MAPKAP1: variants seen among roughly 807,000 people sequenced by gnomAD.
MAPKAP1 encodes the protein MAPK associated protein 1.
Under a neutral mutation model 65.7 loss-of-function variants are expected in MAPKAP1, and 20 were observed. The observed-to-expected ratio is 0.30, with a 90% CI of 0.21 to 0.44. The LOEUF (loss-of-function observed/expected upper bound fraction) is 0.44, where lower values mean the gene tolerates loss of function less well. Among genes scored for constraint, MAPKAP1 ranks in the 20% least tolerant of loss-of-function variants. The probability of loss-of-function intolerance (pLI) is 1.00; values close to 1 mark genes in which losing one functional copy is unlikely to be tolerated. For synonymous variants in MAPKAP1, 222 were observed against 244.3 expected (o/e 0.91, Z 0.85); for missense variants, 423 against 648.0 (o/e 0.65, Z 3.77).
At chr9:125,622,954 G>A (rs1041186450) in intron 4 of MAPKAP1, among the ~76,000 whole-genome samples, 8 of 152,140 alleles carry the variant, frequency 5.3e-5, no homozygotes, top group African/African-American at 9.7e-5. Flanking sequence ...TTGCAGGCAC[G>A]CGCCGCCACA....
intron 5 of MAPKAP1, among the ~76,000 whole-genome samples, chr9:125,564,418 A>G (rs1339351939): frequency 6.6e-6 from 1 of 152,228 alleles, no homozygotes; most frequent in Non-Finnish European, 1.5e-5. Context: ...CTGAGTACAT[A>G]TAACTTTTAT....
intron 1 of MAPKAP1, among the ~76,000 whole-genome samples, chr9:125,693,379 A>G (rs1000754512): frequency 1.3e-5 from 2 of 149,750 alleles, no homozygotes; most frequent in African/African-American, 5.0e-5. Flanking sequence ...ATGCCATTGC[A>G]CTCCAGCTCA....
intron 5 of MAPKAP1, among the ~76,000 whole-genome samples, chr9:125,572,089 A>G (rs1831251867): frequency 1.3e-5 from 2 of 152,226 alleles, no homozygotes; most frequent in Non-Finnish European, 2.9e-5. Flanking sequence ...CATAAGTGCA[A>G]TAAGAATCTG....
At chr9:125,536,440 T>C (rs1269025686) in intron 7 of MAPKAP1, among the ~76,000 whole-genome samples, 1 of 152,244 alleles carries the variant, frequency 6.6e-6, no homozygotes, top group African/African-American at 2.4e-5. Context: ...TCACTGGATA[T>C]AGAGTGTCAG....
intron 4 of MAPKAP1, among the ~76,000 whole-genome samples, chr9:125,625,255 T>TTAAAAAAA (rs1564589549): frequency 1.4e-4 from 9 of 64,646 alleles, no homozygotes; most frequent in Non-Finnish European, 1.8e-4. Flanking sequence ...AATAAATAAA[T>TTAAAAAAA]AAAAAAAAAA....
chr9:125,613,991 G>A (rs923852193), intron 4 of MAPKAP1, among the ~76,000 whole-genome samples: 44 of 151,968 alleles, frequency 2.9e-4, no homozygotes, highest in Non-Finnish European at 1.0e-4. Context: ...ATAGAGACGG[G>A]GTTTCACCAT....
At chr9:125,565,123 T>C (rs1351738093) in intron 5 of MAPKAP1, among the ~76,000 whole-genome samples, 1 of 152,208 alleles carries the variant, frequency 6.6e-6, no homozygotes, top group Admixed American at 6.5e-5. Context: ...TCCAAATCTT[T>C]AATGAGTACA....
rs541839916 is a variant in MAPKAP1, at chr9:125,539,858, A to G, written c.958+3201T>C. ...CCAAATGTCAAGTAGGTCAGTAAAA[A>G]AAAATGAAAGGCTGAAGAGAAACTT... On this transcript the variant is annotated intron_variant, in intron 7 of 11. Transcript: ENST00000265960. Among the ~76,000 whole-genome samples the G allele has an allele frequency of 4.8e-4, 73 of 152,366 alleles. 1 individual carries two copies. The highest frequency in any genetic ancestry group is 9.3e-4 in the Non-Finnish European group (63 of 68,028).
Position 125,442,888 on chromosome 9 carries a change from A to G in MAPKAP1, c.1443+1613T>C, listed in dbSNP as rs138827428. Among the ~76,000 whole-genome samples the G allele has an allele frequency of 3.2e-3, 481 of 152,294 alleles. 2 individuals carry two copies. The highest frequency in any genetic ancestry group is 6.8e-3 in the Middle Eastern group (2 of 294). ...CAATATATTCCTGGATCGCAATTCT[A>G]TTTCATTGAAATCTCCCACACAACT... On this transcript the variant is annotated intron_variant, in intron 11 of 11. Transcript: ENST00000265960.
intron 4 of MAPKAP1, among the ~76,000 whole-genome samples, chr9:125,593,068 G>A (rs576171603): frequency 2.6e-4 from 40 of 151,688 alleles, no homozygotes; most frequent in African/African-American, 9.4e-4. Flanking sequence ...AGGCCGAGGC[G>A]GGCAGATCAC....
intron 10 of MAPKAP1, among the ~76,000 whole-genome samples, chr9:125,453,831 GAA>G (rs1853056009): frequency 6.6e-6 from 1 of 152,150 alleles, no homozygotes; most frequent in Non-Finnish European, 1.5e-5. Flanking sequence ...ACTGATATTG[GAA>G]AAGTCTTTAA....
At position 125,579,059 on chromosome 9, in the gene MAPKAP1, T is replaced by C. The variant is rs576131976; in HGVS notation, c.671+6496A>G. Among the ~76,000 whole-genome samples the C allele has an allele frequency of 2.4e-4, 36 of 152,344 alleles. No homozygotes were observed. In the South Asian group the frequency reaches 7.5e-3, roughly 32 times the overall value. On this transcript the variant is annotated intron_variant, in intron 5 of 11. Transcript: ENST00000265960. ...AATAACAAAGTCTAAATTTTAAAAT[T>C]TGACCATTTAGAGATTGAAATTATT... is the stretch of plus-strand genomic sequence containing the variant.
chr9:125,497,868 A>G (rs1828853489), intron 8 of MAPKAP1, among the ~76,000 whole-genome samples: 1 of 152,226 alleles, frequency 6.6e-6, no homozygotes, highest in African/African-American at 2.4e-5. Flanking sequence ...GGAAAGAATA[A>G]GTTGGTTCAA....
chr9:125,468,133 A>G, intron 9 of MAPKAP1, 24 bp from the exon 10 acceptor site: 4 of 1,610,662 alleles, frequency 2.5e-6, no homozygotes, highest in Non-Finnish European at 3.4e-6. Context: ...TGAGGACACA[A>G]AAGAAAACAC....
At chr9:125,588,605 T>A (rs1229706327) in intron 4 of MAPKAP1, among the ~76,000 whole-genome samples, 2 of 152,228 alleles carry the variant, frequency 1.3e-5, no homozygotes, top group Non-Finnish European at 2.9e-5. Flanking sequence ...CACTTCTATC[T>A]CCACTGCCAC....
intron 4 of MAPKAP1, among the ~76,000 whole-genome samples, chr9:125,604,915 A>G (rs1231982582): frequency 6.6e-6 from 1 of 152,250 alleles, no homozygotes; most frequent in Non-Finnish European, 1.5e-5. Context: ...GCTGAGGCTG[A>G]GCAAGTACAC....
At chr9:125,553,026 A>G (rs987377498) in intron 6 of MAPKAP1, among the ~76,000 whole-genome samples, 8 of 152,196 alleles carry the variant, frequency 5.3e-5, no homozygotes, top group Non-Finnish European at 1.0e-4. Flanking sequence ...TTTTCATTGA[A>G]CTAAAAGCAA....
At chr9:125,613,526 G>A (rs1309293763) in intron 4 of MAPKAP1, among the ~76,000 whole-genome samples, 1 of 152,164 alleles carries the variant, frequency 6.6e-6, no homozygotes, top group Non-Finnish European at 1.5e-5. Context: ...GTACTCCATG[G>A]TGTCAGGTGA....
chr9:125,666,292 G>A (rs1425089855), intron 3 of MAPKAP1, among the ~76,000 whole-genome samples: 6 of 152,110 alleles, frequency 3.9e-5, no homozygotes, highest in African/African-American at 1.4e-4. Flanking sequence ...TGGACTAGAT[G>A]GTCTCCACAA....
Sources: allele counts gnomAD v4.1 joint callset (sites outside exome capture counted in the v4.1 genomes callset), GRCh38; gene constraint gnomAD v4.1.1; transcripts MANE v1.5; gene names NCBI Gene and HGNC (gene_info 2026-07-23, HGNC 2026-07-21).